The following KIF20A variants were observed in gnomAD, a reference collection of about 807,000 sequenced individuals.
The protein encoded by KIF20A is kinesin-like protein KIF20A.
A neutral mutation model predicts 113.0 loss-of-function variants in KIF20A; 66 were observed. The ratio of observed to expected loss-of-function variants is 0.58; its 90% confidence interval spans 0.48 to 0.72. The LOEUF is 0.72. Among genes scored for constraint, KIF20A ranks in the 30% least tolerant of loss-of-function variants. The pLI is 0.00. For synonymous variants in KIF20A, 376 were observed against 402.3 expected, an observed-to-expected ratio of 0.93 and a Z score of 0.78; for missense variants, 927 against 1,077.6, an observed-to-expected ratio of 0.86 and a Z score of 1.96.
intron 4 of KIF20A, 26 bp downstream of exon 4, chr5:138,181,754 A>C: frequency 6.2e-7 from 1 of 1,611,790 alleles, no homozygotes; most frequent in Non-Finnish European, 8.5e-7. Context: ...GTTTGTGAAC[A>C]AAAGACCAAC....
chr5:138,182,035 G>A (rs1257013547), intron 4 of KIF20A: 1 of 564,926 alleles, frequency 1.8e-6, no homozygotes, highest in Non-Finnish European at 3.1e-6. Context: ...CTAGATCCAT[G>A]TATCTCCAAA....
In KIF20A at chr5:138,187,591, GTTT is replaced by G. The variant is rs201817182; in HGVS notation, c.*185_*187del. On this transcript the variant is annotated 3_prime_UTR_variant, in exon 19 of 19. Coordinates refer to ENST00000394894, the MANE Select transcript of KIF20A (RefSeq NM_005733.3). ...ACCACCTATGTAATCTCATGTTGTT[GTTT>G]TTTTTTATTTACTTATATGATTTCT... 2 of 475,008 alleles carry G rather than the reference GTTT, an allele frequency of 4.2e-6. No homozygotes were observed. Among genetic ancestry groups the G allele is most frequent in the East Asian group, 3.3e-5 (1 of 29,870 alleles). The allele number at this position is 475,008 out of a possible 1,614,324, so 29.4% of individuals were successfully genotyped here.
rs773938724 is a variant in KIF20A, at chr5:138,184,651, C to G, written c.1658C>G (p.Ala553Gly). ...TGLDDDIENE[A>G]DISMYGKEEL... ...CTTGATGATGATATTGAAAATGAAG[C>G]TGACATCTCCATGTATGGCAAAGAG... The change falls in exon 13 of 19, where the codon GCT becomes GGT. Residue 553 changes from alanine (A) to glycine (G), a missense_variant. Physicochemically the swap from Ala to Gly is moderately conservative, Grantham distance 60 (BLOSUM62 0). Transcript: ENST00000394894. 1.9e-6 allele frequency: 3 copies of G among 1,614,156 alleles called. No individual in the cohort carries two copies. The highest frequency in any genetic ancestry group is 4.5e-5 in the East Asian group (2 of 44,872).
chr5:138,181,889 A>T, intron 4 of KIF20A, 161 bp downstream of exon 4: 18 of 714,000 alleles, frequency 2.5e-5, no homozygotes, highest in Non-Finnish European at 4.0e-5. Flanking sequence ...GTCAAGTAAC[A>T]TATGTATATC....
rs369749108 is a variant in KIF20A at position 138,183,333 on chromosome 5, G to A, written c.997G>A (p.Glu333Lys). ...QRKRQTLRLC[E>K]DQNGNPYVKD... ...CAAGAGGCAGACTTTGCGGCTATGC[G>A]AGGATCAAAATGGCAATCCCTATGT... Residue 333 changes from glutamate (E) to lysine (K), a missense_variant, in exon 8 of 19, where the codon GAG becomes AAG. By Grantham distance (56) the Glu-to-Lys change is moderately conservative (BLOSUM62 1). Coordinates refer to ENST00000394894, the MANE Select transcript of KIF20A (RefSeq NM_005733.3). This position sits in a 1 kb window ranked among gnomAD's most constrained non-coding sequence, Gnocchi z 5.2. The A allele has an allele frequency of 2.4e-5, 38 of 1,614,080 alleles. No homozygotes were observed. The African/African-American group carries it at 3.1e-4, about 13-fold the overall frequency.
chr5:138,183,391 G>T lies in KIF20A; in HGVS notation c.1027+28G>T. ...AAAGGAACATGGGGAAAGCTGGCAT[G>T]AACCCTGGAGGGCAACTGGGGAGAG... is the stretch of plus-strand genomic sequence containing the variant. On this transcript the variant is annotated intron_variant, in intron 8 of 18. Coordinates refer to ENST00000394894, the MANE Select transcript of KIF20A (RefSeq NM_005733.3). The surrounding 1 kb of genome is among the most constrained non-coding windows in gnomAD (Gnocchi z 5.2). The T allele has an allele frequency of 6.2e-7, 1 of 1,613,532 alleles. No homozygotes were observed. Among genetic ancestry groups the T allele is most frequent in the South Asian group, 1.1e-5 (1 of 91,038 alleles).
chr5:138,184,733 G>A (rs1561630267), intron 13 of KIF20A, 57 bp downstream of exon 13: 1 of 1,610,284 alleles, frequency 6.2e-7, no homozygotes, highest in East Asian at 2.2e-5. Context: ...TTTTTCCATG[G>A]TGCCTTCCAG....
Position 138,185,967 on chromosome 5 carries a change from A to C in KIF20A, c.2132A>C (p.His711Pro), listed in dbSNP as rs148685779. 2 of 1,613,946 alleles carry C rather than the reference A, an allele frequency of 1.2e-6. No homozygotes were observed. The highest frequency in any genetic ancestry group is 1.7e-5 in the Admixed American group (1 of 60,010). The stretch of plus-strand genomic sequence containing the variant: ...TCCTGTTTCCTTCCCTCAGAGTTGC[A>C]TAAGTATCAGAAAATGTTAGAACCA... Reference protein sequence around the residue: ...AELNSTTEELHKYQKMLEPPP... With the variant: ...AELNSTTEELPKYQKMLEPPP... Residue 711 changes from histidine (H) to proline (P), a missense_variant, in exon 17 of 19, where the codon CAT becomes CCT. Coordinates refer to ENST00000394894, the MANE Select transcript of KIF20A (RefSeq NM_005733.3).
chr5:138,186,701 G>A (rs1754751039), intron 18 of KIF20A, among the ~76,000 whole-genome samples: 1 of 152,114 alleles, frequency 6.6e-6, no homozygotes, highest in Non-Finnish European at 1.5e-5. Context: ...CTGATTATAA[G>A]AAACCATTAT....
chr5:138,182,628 T>A lies in KIF20A; in HGVS notation c.557T>A (p.Leu186Gln). The A allele has an allele frequency of 6.2e-7, 1 of 1,614,204 alleles. No homozygotes were observed. The highest frequency in any genetic ancestry group is 8.5e-7 in the Non-Finnish European group (1 of 1,180,042). The change falls in exon 6 of 19, where the codon CTG (leucine) becomes CAG (glutamine). Residue 186 changes from leucine to glutamine, a missense_variant. By Grantham distance (113) the Leu-to-Gln change is moderately radical. Coordinates refer to ENST00000394894, the MANE Select transcript of KIF20A (RefSeq NM_005733.3). ...DGGILPRSLA[L>Q]IFNSLQGQLH... ...GGGATTCTCCCCCGGTCCCTGGCGC[T>A]GATCTTCAATAGCCTCCAAGGCCAA...
At position 138,182,605 on chromosome 5, in the gene KIF20A, G is replaced by T; in HGVS notation, c.534G>T (p.Gly178=). 6.2e-7 allele frequency: 1 copy of T among 1,614,146 alleles called. No individual in the cohort carries two copies. Among genetic ancestry groups the T allele is most frequent in the Non-Finnish European group, 8.5e-7 (1 of 1,180,030 alleles). Residue 178 remains glycine (G), a synonymous_variant, in exon 6 of 19, where the codon GGG becomes GGT. Coordinates refer to ENST00000394894, the MANE Select transcript of KIF20A (RefSeq NM_005733.3). ...HTIQGTIKDG[G]ILPRSLALIF... Reference sequence around the variant, plus strand: ...CTCCAGGTACCATCAAGGATGGAGGGATTCTCCCCCGGTCCCTGGCGCTGA... The same window carrying T: ...CTCCAGGTACCATCAAGGATGGAGGTATTCTCCCCCGGTCCCTGGCGCTGA...
intron 2 of KIF20A, among the ~76,000 whole-genome samples, chr5:138,181,103 G>C (rs902105386): frequency 1.3e-5 from 2 of 152,254 alleles, no homozygotes; most frequent in East Asian, 3.8e-4. Context: ...TCATGGAATT[G>C]GGACTCAAAT....
chr5:138,181,224 G>A (rs1292424400), intron 2 of KIF20A, among the ~76,000 whole-genome samples, 198 bp from the exon 3 acceptor site: 2 of 152,250 alleles, frequency 1.3e-5, no homozygotes, highest in Non-Finnish European at 2.9e-5. Flanking sequence ...GGATAATGAC[G>A]AGACAGGGAA....
chr5:138,180,021 G>T (rs559123822), intron 2 of KIF20A, among the ~76,000 whole-genome samples, 176 bp downstream of exon 2: 3 of 152,116 alleles, frequency 2.0e-5, no homozygotes, highest in Non-Finnish European at 2.9e-5. Context: ...AAAATTAAGG[G>T]CATGACAAGT....
At position 138,187,490 on chromosome 5, in the gene KIF20A, T is replaced by C. The variant is rs1754766204; in HGVS notation, c.*77T>C. On this transcript the variant is annotated 3_prime_UTR_variant, in exon 19 of 19. Transcript: ENST00000394894. The stretch of plus-strand genomic sequence containing the variant: ...CTCCTGAAGAAATAGGTCTCTTTTA[T>C]GCTTTACCATATATCAGGAATTATA... The C allele has an allele frequency of 1.7e-6, 2 of 1,169,740 alleles. No individual in the cohort carries two copies. The highest frequency in any genetic ancestry group is 4.8e-5 in the East Asian group (2 of 41,378). 72.5% of individuals were successfully genotyped at this position (1,169,740 alleles called of 1,614,324 possible). A position where few individuals can be genotyped will look rare whatever the true frequency, so the allele number is the denominator to read the frequency against.
chr5:138,182,455 A>C lies in KIF20A; in HGVS notation c.508A>C (p.Ile170Leu), dbSNP rs762354018. 1 of 1,614,018 alleles carries C rather than the reference A, an allele frequency of 6.2e-7. No individual in the cohort carries two copies. Among genetic ancestry groups the C allele is most frequent in the Non-Finnish European group, 8.5e-7 (1 of 1,179,952 alleles). The change falls in exon 5 of 19, where the codon ATT (isoleucine) becomes CTT (leucine). Residue 170 changes from isoleucine (I) to leucine (L), a missense_variant. Ile to Leu is a conservative substitution (Grantham distance 5). Coordinates refer to ENST00000394894, the MANE Select transcript of KIF20A (RefSeq NM_005733.3). ...GVTNSGKTHT[I>L]QGTIKDGGIL... is the part of the protein sequence containing the mutation. Reference sequence around the variant, plus strand: ...CACTAACTCAGGGAAAACCCACACGATTCAAGGTGAGTAGTAAGCCTTCAC... The same window carrying C: ...CACTAACTCAGGGAAAACCCACACGCTTCAAGGTGAGTAGTAAGCCTTCAC...
chr5:138,185,790 C>G (rs116198126), intron 16 of KIF20A, 80 bp downstream of exon 16: 2 of 1,479,192 alleles, frequency 1.4e-6, no homozygotes, highest in Non-Finnish European at 9.4e-7. Context: ...CTAACTCCTG[C>G]TCTAACATAA....
chr5:138,181,279 T>C, intron 2 of KIF20A, 143 bp from the exon 3 acceptor site: 6 of 702,926 alleles, frequency 8.5e-6, no homozygotes, highest in Non-Finnish European at 1.5e-5. Context: ...GGAATGATTG[T>C]GGAACCAAAG....
Position 138,184,600 on chromosome 5 carries a change from A to G in KIF20A, c.1607A>G (p.Glu536Gly). ...AGTCTTCAGGTATCCCCCAGCTTAG[A>G]GAAAGGGGCTAAGGCAGACACAGGC... ...EHSLQVSPSLEKGAKADTGLD... is the reference protein window; with the variant it reads ...EHSLQVSPSLGKGAKADTGLD... Residue 536 changes from glutamate to glycine, a missense_variant, in exon 13 of 19, where the codon GAG (glutamate) becomes GGG (glycine). Physicochemically the swap from Glu to Gly is moderately conservative, Grantham distance 98. Transcript: ENST00000394894. The G allele has an allele frequency of 6.2e-7, 1 of 1,614,200 alleles. No homozygotes were observed. The highest frequency in any genetic ancestry group is 1.3e-5 in the African/African-American group (1 of 75,058).
Sources: allele counts gnomAD v4.1 joint callset (sites outside exome capture counted in the v4.1 genomes callset), GRCh38; gene constraint gnomAD v4.1.1; non-coding constraint Gnocchi (gnomAD v3.1); transcripts MANE v1.5; gene names NCBI Gene and HGNC (gene_info 2026-07-23, HGNC 2026-07-21).